The following RPTOR variants were observed in gnomAD, a reference collection of about 807,000 sequenced individuals.
RPTOR encodes the protein regulatory associated protein of MTOR complex 1, also known as regulatory-associated protein of mTOR.
Under a neutral mutation model 169.9 loss-of-function variants are expected in RPTOR, and 21 were observed. That is an observed-to-expected ratio of 0.12 (90% CI 0.09 to 0.18). The LOEUF (loss-of-function observed/expected upper bound fraction) is 0.18, where lower values mean the gene tolerates loss of function less well. Among genes scored for constraint, RPTOR ranks in the 10% least tolerant of loss-of-function variants. The pLI is 1.00. For synonymous variants in RPTOR, 732 were observed against 753.2 expected (o/e 0.97, Z 0.46); for missense variants, 1,133 against 1,855.9 (o/e 0.61, Z 7.16).
chr17:80,744,439 C>A, intron 5 of RPTOR, among the ~76,000 whole-genome samples: 2 of 7,812 alleles, frequency 2.6e-4, no homozygotes, highest in South Asian at 2.8e-3. Flanking sequence ...ACAGCCCTGG[C>A]TACTAGCACT....
chr17:80,735,566 G>A (rs751896272), intron 5 of RPTOR, among the ~76,000 whole-genome samples: 3 of 152,186 alleles, frequency 2.0e-5, no homozygotes, highest in Non-Finnish European at 4.4e-5. Context: ...TCTTCTAGAG[G>A]ATATTTCTCA....
intron 14 of RPTOR, among the ~76,000 whole-genome samples, chr17:80,880,815 C>T (rs930535504): frequency 3.9e-5 from 6 of 152,184 alleles, no homozygotes; most frequent in East Asian, 3.8e-4. Flanking sequence ...CTGTCCGCCG[C>T]GTTAGACTAG....
At chr17:80,675,440 A>G (rs1026702484) in intron 3 of RPTOR, among the ~76,000 whole-genome samples, 1 of 152,180 alleles carries the variant, frequency 6.6e-6, no homozygotes, top group Non-Finnish European at 1.5e-5. Flanking sequence ...GTTTATTACT[A>G]GGCTGAGGGG....
chr17:80,955,028 C>T (rs1378709239), intron 28 of RPTOR, among the ~76,000 whole-genome samples: 1 of 152,212 alleles, frequency 6.6e-6, no homozygotes, highest in African/African-American at 2.4e-5. Context: ...AAAGCATAAA[C>T]TCTAATTGAA....
At chr17:80,950,234 G>A (rs1372658784) in intron 28 of RPTOR, among the ~76,000 whole-genome samples, 1 of 152,214 alleles carries the variant, frequency 6.6e-6, no homozygotes, top group Non-Finnish European at 1.5e-5. Context: ...AGCCCTTGGC[G>A]ATGCTCAGAG....
intron 1 of RPTOR, among the ~76,000 whole-genome samples, chr17:80,589,322 G>C (rs752029683): frequency 1.3e-5 from 2 of 152,006 alleles, no homozygotes; most frequent in Non-Finnish European, 2.9e-5. Flanking sequence ...GCTGTTCCGG[G>C]GGTACTTCTC....
In RPTOR at chr17:80,966,208, AAATT is replaced by A. The variant is rs1234308688; in HGVS notation, c.*1879_*1882del. On this transcript the variant is annotated 3_prime_UTR_variant, in exon 34 of 34. Coordinates refer to ENST00000306801, the MANE Select transcript of RPTOR (RefSeq NM_020761.3). ...GGCTGTCTTCACAGGTCTGATGTGA[AAATT>A]CAATCACGACGTTAACCGGCTCGAG... The A allele has an allele frequency of 9.2e-6, 2 of 216,734 alleles. No individual in the cohort carries two copies. The highest frequency in any genetic ancestry group is 4.5e-5 in the African/African-American group (2 of 44,184). The allele number at this position is 216,734 out of a possible 1,614,324, so 13.4% of individuals were successfully genotyped here.
Position 80,646,051 on chromosome 17 carries a change from G to A in RPTOR, c.348+2241G>A, listed in dbSNP as rs1052706405. ...CTTCGGAAAAGGTACCAGCGCAGGC[G>A]GGATCCCATCTGGGCTGGTTTATAA... On this transcript the variant is annotated intron_variant, in intron 3 of 33. Coordinates refer to ENST00000306801, the MANE Select transcript of RPTOR (RefSeq NM_020761.3). This position sits in a 1 kb window ranked among gnomAD's most constrained non-coding sequence, Gnocchi z 5.0. 1.3e-5 allele frequency among the ~76,000 whole-genome samples: 2 copies of A among 152,260 alleles called. No individual in the cohort carries two copies. The highest frequency in any genetic ancestry group is 6.5e-5 in the Admixed American group (1 of 15,294).
chr17:80,892,841 T>C lies in RPTOR; in HGVS notation c.2214T>C (p.Ser738=). The C allele has an allele frequency of 6.2e-7, 1 of 1,614,158 alleles. No homozygotes were observed. The highest frequency in any genetic ancestry group is 8.5e-7 in the Non-Finnish European group (1 of 1,180,000). ...CCACAGCCAGGAGCCTCAACAAATC[T>C]TTGCAGAACCTGAGTTTGACAGAGG... ...AVATARSLNK[S]LQNLSLTEES... Residue 738 remains serine (S), a synonymous_variant, in exon 19 of 34, where the codon TCT becomes TCC. Transcript: ENST00000306801.
intron 3 of RPTOR, among the ~76,000 whole-genome samples, chr17:80,703,360 G>A (rs1053117241): frequency 2.0e-5 from 3 of 152,192 alleles, no homozygotes; most frequent in Admixed American, 2.0e-4. Context: ...TCACTAAGGG[G>A]AAGTGGTTTT....
At chr17:80,937,777 C>T (rs771331358) in intron 24 of RPTOR, among the ~76,000 whole-genome samples, 12 of 152,222 alleles carry the variant, frequency 7.9e-5, no homozygotes, top group African/African-American at 2.4e-4. Context: ...TGCTGAGCGG[C>T]GGTCACATCC....
chr17:80,611,756 GTT>G (rs71163978), intron 1 of RPTOR, among the ~76,000 whole-genome samples: 1,660 of 132,236 alleles, frequency 0.013, 34 homozygotes, highest in African/African-American at 0.044. Context: ...TTTTATAGCT[GTT>G]TTTTTTTTTT....
Position 80,838,017 on chromosome 17 carries a change from C to T in RPTOR, c.1212+20C>T, listed in dbSNP as rs773174311. The T allele has an allele frequency of 6.3e-6, 10 of 1,596,618 alleles. No homozygotes were observed. Among genetic ancestry groups the T allele is most frequent in the South Asian group, 2.2e-5 (2 of 88,968 alleles). Reference sequence around the variant, plus strand: ...TTTCGGGTGAGTCCCTCCAAGGGCACCCTGTGCATCCGCGGCGGCAGCCAC... The same window carrying T: ...TTTCGGGTGAGTCCCTCCAAGGGCATCCTGTGCATCCGCGGCGGCAGCCAC... On this transcript the variant is annotated intron_variant, in intron 10 of 33. Transcript: ENST00000306801.
intron 11 of RPTOR, among the ~76,000 whole-genome samples, chr17:80,852,798 G>T (rs1669458218): frequency 6.6e-6 from 1 of 151,820 alleles, no homozygotes; most frequent in Non-Finnish European, 1.5e-5. Context: ...CCATGCTCCT[G>T]ACTCGGTGGC....
chr17:80,879,004 T>C (rs2068154000), intron 13 of RPTOR, among the ~76,000 whole-genome samples: 1 of 151,470 alleles, frequency 6.6e-6, no homozygotes, highest in Non-Finnish European at 1.5e-5. Context: ...CCTCTGAAAG[T>C]GGTCTTCAGC....
intron 1 of RPTOR, among the ~76,000 whole-genome samples, chr17:80,577,366 T>C (rs1431533438): frequency 6.6e-6 from 1 of 152,112 alleles, no homozygotes; most frequent in Non-Finnish European, 1.5e-5. Flanking sequence ...TTCCTAGGGA[T>C]GGAATTCTAG....
At position 80,880,503 on chromosome 17, in the gene RPTOR, A is replaced by G; in HGVS notation, c.1584+14A>G. 6.2e-7 allele frequency: 1 copy of G among 1,613,006 alleles called. No individual in the cohort carries two copies. The highest frequency in any genetic ancestry group is 8.5e-7 in the Non-Finnish European group (1 of 1,179,604). ...CCCTACATGCCAGTAAGGACGGGGC[A>G]GCACGCTCTCCACGGGCTTGGGACT... On this transcript the variant is annotated intron_variant, in intron 14 of 33. Coordinates refer to ENST00000306801, the MANE Select transcript of RPTOR (RefSeq NM_020761.3).
At chr17:80,867,765 A>G (rs142536745) in intron 13 of RPTOR, among the ~76,000 whole-genome samples, 141 of 152,362 alleles carry the variant, frequency 9.3e-4, no homozygotes, top group Non-Finnish European at 1.7e-3. Flanking sequence ...AACATTTACA[A>G]TACCACTAAA....
intron 10 of RPTOR, among the ~76,000 whole-genome samples, chr17:80,840,200 T>A (rs1471604157): frequency 1.3e-5 from 2 of 152,154 alleles, no homozygotes; most frequent in Admixed American, 6.5e-5. Context: ...CTGCCCAGTT[T>A]TGTGCTTGGA....
Sources: gnomAD v4.1 joint callset for allele counts (sites outside exome capture counted in the v4.1 genomes callset) on GRCh38, gnomAD v4.1.1 for gene constraint, Gnocchi (gnomAD v3.1) non-coding constraint, MANE v1.5 for transcripts, NCBI Gene and HGNC (gene_info 2026-07-23, HGNC 2026-07-21) for gene names.